The following ZC3H4 variants were observed in gnomAD, a reference collection of about 807,000 sequenced individuals.
ZC3H4 encodes zinc finger CCCH domain-containing protein 4.
ZC3H4 carries 13 observed loss-of-function variants against 108.3 expected under a neutral mutation model. That is an observed-to-expected ratio of 0.12 (90% confidence interval 0.08 to 0.19). The LOEUF (loss-of-function observed/expected upper bound fraction) is 0.19. ZC3H4 is among the 10% of genes least tolerant of loss of function. The pLI, the probability that ZC3H4 is intolerant of heterozygous loss-of-function variation, is 1.00. For missense variants in ZC3H4, 1,734 were observed against 1,838.8 expected (o/e 0.94, Z 1.04); for synonymous variants, 917 against 749.6 (o/e 1.22, Z -3.65).
intron 2 of ZC3H4, among the ~76,000 whole-genome samples, chr19:47,109,864 A>T (rs1163621228): frequency 6.6e-6 from 1 of 152,132 alleles, no homozygotes; most frequent in Non-Finnish European, 1.5e-5. Flanking sequence ...TTTTAACGGA[A>T]CTTATGCTTG....
Position 47,094,022 on chromosome 19 carries a change from G to C in ZC3H4, c.440C>G (p.Pro147Arg). Reference protein sequence around the residue: ...SDFSDDSDFSPSEKGHRKYRE... With the variant: ...SDFSDDSDFSRSEKGHRKYRE... Reference sequence around the variant, plus strand: ...GTACTTGCGGTGACCTTTCTCACTGGGGCTGAAATCCGAGTCATCTGAGAA... The same window carrying C: ...GTACTTGCGGTGACCTTTCTCACTGCGGCTGAAATCCGAGTCATCTGAGAA... Residue 147 changes from proline to arginine, a missense_variant, in exon 4 of 15, where the codon CCC becomes CGC. Around this residue, in one of 9 missense-constraint regions of ZC3H4, gnomAD observed 403 missense variants for 457.0 expected, o/e 0.88. Coordinates refer to ENST00000253048, the MANE Select transcript of ZC3H4 (RefSeq NM_015168.2). The C allele has an allele frequency of 1.2e-6, 2 of 1,614,130 alleles. No individual in the cohort carries two copies. The highest frequency in any genetic ancestry group is 1.7e-6 in the Non-Finnish European group (2 of 1,180,010).
rs1273380707 is a variant in ZC3H4 at position 47,067,310 on chromosome 19, G to C, written c.2958C>G (p.Pro986=). 1 of 1,595,266 alleles carries C rather than the reference G, an allele frequency of 6.3e-7. No individual in the cohort carries two copies. Among genetic ancestry groups the C allele is most frequent in the Non-Finnish European group, 8.5e-7 (1 of 1,169,750 alleles). Residue 986 remains proline, a synonymous_variant, in exon 15 of 15, where the codon CCC becomes CCG. Coordinates refer to ENST00000253048, the MANE Select transcript of ZC3H4 (RefSeq NM_015168.2). This position sits in a 1 kb window ranked among gnomAD's most constrained non-coding sequence, Gnocchi z 6.4. ...TVLWNPEDLI[P]LPIPKQDAVP... ...CTGCGTCCTGCTTGGGGATGGGTAG[G>C]GGGATCAGGTCCTCGGGATTCCAGA...
chr19:47,071,762 C>G lies in ZC3H4; in HGVS notation c.2146+16G>C. 1.9e-6 allele frequency: 3 copies of G among 1,584,130 alleles called. No homozygotes were observed. Among genetic ancestry groups the G allele is most frequent in the Non-Finnish European group, 2.6e-6 (3 of 1,167,276 alleles). On this transcript the variant is annotated intron_variant, in intron 13 of 14. Transcript: ENST00000253048. ...AGCCTGCAGCCCCAGGCAGCCACACCTGGAGTCCCGCATACCTGCATCCCC... is the reference window on the plus strand; with the variant it reads ...AGCCTGCAGCCCCAGGCAGCCACACGTGGAGTCCCGCATACCTGCATCCCC...
rs773206073 is a variant in ZC3H4, at chr19:47,069,201, G to A, written c.2289C>T (p.Pro763=). 1.2e-6 allele frequency: 2 copies of A among 1,612,082 alleles called. No individual in the cohort carries two copies. The highest frequency in any genetic ancestry group is 1.1e-5 in the South Asian group (1 of 91,082). ...KPGAGVPDFL[P]SAQRALYLRI... is the part of the protein sequence containing the mutation. ...TCAGGTACAGGGCCCTCTGGGCTGA[G>A]GGCAGGAAGTCAGGGACACCGGCGC... The change falls in exon 14 of 15, where the codon CCC becomes CCT. Residue 763 remains proline (P), a synonymous_variant. Transcript: ENST00000253048.
intron 14 of ZC3H4, among the ~76,000 whole-genome samples, 190 bp from the exon 15 acceptor site, chr19:47,068,059 T>C (rs1393637368): frequency 6.6e-6 from 1 of 152,194 alleles, no homozygotes; most frequent in Non-Finnish European, 1.5e-5. Context: ...GCTCGGTTTA[T>C]GCCATGCTCC....
rs543044276 is a variant in ZC3H4 at position 47,109,953 on chromosome 19, G to T, written c.161+2471C>A. On this transcript the variant is annotated intron_variant, in intron 2 of 14. Coordinates refer to ENST00000253048, the MANE Select transcript of ZC3H4 (RefSeq NM_015168.2). ...TTTTTCCTTGTTACGTGGAGGCCGG[G>T]GGGACTGGGGGCTGGAGGAGGTGTT... 1.8e-3 allele frequency among the ~76,000 whole-genome samples: 270 copies of T among 152,270 alleles called. 1 individual carries two copies. The highest frequency in any genetic ancestry group is 2.5e-3 in the Non-Finnish European group (171 of 68,030).
At chr19:47,078,239 C>T (rs868449313) in intron 11 of ZC3H4, among the ~76,000 whole-genome samples, 1 of 152,086 alleles carries the variant, frequency 6.6e-6, no homozygotes, top group Non-Finnish European at 1.5e-5. Context: ...ATTAATTTCA[C>T]GAGGTAGGTG....
At chr19:47,099,583 C>T (rs528940529) in intron 2 of ZC3H4, among the ~76,000 whole-genome samples, 6 of 152,204 alleles carry the variant, frequency 3.9e-5, no homozygotes, top group African/African-American at 1.4e-4. Context: ...CCAAGCCATC[C>T]TGCTGACAAA....
intron 9 of ZC3H4, among the ~76,000 whole-genome samples, chr19:47,083,604 G>A (rs147735152): frequency 6.4e-4 from 97 of 151,666 alleles, no homozygotes; most frequent in African/African-American, 2.1e-3. Flanking sequence ...AGCTACTCAG[G>A]AGGCTGAGGC....
intron 5 of ZC3H4, among the ~76,000 whole-genome samples, chr19:47,088,029 C>T (rs1393514052): frequency 1.3e-5 from 2 of 151,536 alleles, no homozygotes; most frequent in East Asian, 1.9e-4. Flanking sequence ...AAAAATTAGC[C>T]GGGCGTGGCG....
intron 6 of ZC3H4, 86 bp from the exon 7 acceptor site, chr19:47,085,500 G>T: frequency 1.6e-6 from 2 of 1,245,528 alleles, no homozygotes; most frequent in Non-Finnish European, 2.2e-6. Flanking sequence ...CCTTTTTGAA[G>T]GATGGTGACC....
In ZC3H4 at chr19:47,072,475, G is replaced by C. The variant is rs778748580; in HGVS notation, c.1679C>G (p.Pro560Arg). ...CTGCGGGGACAGTGGCTCATGCACC[G>C]GCATGGGCATCTGAGGGGGCCCGGG... ...PPPGPPQMPM[P>R]VHEPLSPQQL... Residue 560 changes from proline to arginine, a missense_variant, in exon 12 of 15, where the codon CCG becomes CGG. Physicochemically the swap from Pro to Arg is moderately radical, Grantham distance 103. This residue lies in a region of ZC3H4 where 75 missense variants were observed against 85.8 expected (regional missense o/e 0.87). Transcript: ENST00000253048. The surrounding 1 kb of genome is among the most constrained non-coding windows in gnomAD (Gnocchi z 5.6). The C allele has an allele frequency of 6.4e-7, 1 of 1,565,980 alleles. No individual in the cohort carries two copies. The highest frequency in any genetic ancestry group is 1.4e-5 in the African/African-American group (1 of 73,426).
intron 13 of ZC3H4, among the ~76,000 whole-genome samples, chr19:47,070,590 G>T (rs1159801047): frequency 2.6e-5 from 4 of 152,260 alleles, no homozygotes; most frequent in South Asian, 4.1e-4. Context: ...GAGAACCCCA[G>T]CACCTACTGT....
intron 6 of ZC3H4, 121 bp downstream of exon 6, chr19:47,086,263 C>T (rs2057620067): frequency 5.1e-6 from 6 of 1,172,062 alleles, no homozygotes; most frequent in African/African-American, 4.7e-5. Flanking sequence ...TGAGGCTTCC[C>T]TTCCTTCAGA....
chr19:47,068,198 ACATTGGAGT>A (rs1222179083), intron 14 of ZC3H4, among the ~76,000 whole-genome samples: 1 of 152,236 alleles, frequency 6.6e-6, no homozygotes, highest in Non-Finnish European at 1.5e-5. Context: ...CAGTGCCGTT[ACATTGGAGT>A]CAGGGCCAGG....
In ZC3H4 at chr19:47,066,213, TAAAAG is replaced by T. The variant is rs530234419; in HGVS notation, c.*138_*142del. On this transcript the variant is annotated 3_prime_UTR_variant, in exon 15 of 15. Transcript: ENST00000253048. ...AAGAAAGTACTACTTTAAAAAAAAA[TAAAAG>T]AGACGGAAAGCAAAAGAAAAAGAAA... 8.2e-4 allele frequency: 510 copies of T among 624,760 alleles called. No homozygotes were observed. In the African/African-American group the frequency reaches 8.5e-3, roughly 10 times the overall value. The allele number at this position is 624,760 out of a possible 1,614,324, so 38.7% of individuals were successfully genotyped here.
intron 2 of ZC3H4, among the ~76,000 whole-genome samples, chr19:47,109,911 G>T (rs930994127): frequency 6.6e-6 from 1 of 152,174 alleles, no homozygotes; most frequent in Admixed American, 6.5e-5. Flanking sequence ...GGTTCTGCAA[G>T]TCATTTCTGT....
intron 2 of ZC3H4, among the ~76,000 whole-genome samples, chr19:47,103,705 T>C (rs1264008265): frequency 7.0e-6 from 1 of 142,528 alleles, no homozygotes. Context: ...GGCGGGCGGA[T>C]CACGAGGTCA....
At chr19:47,084,259 C>T in intron 9 of ZC3H4, 86 bp downstream of exon 9, 1 of 1,309,492 alleles carries the variant, frequency 7.6e-7, no homozygotes, top group Non-Finnish European at 1.1e-6. Context: ...CACCCACCCT[C>T]ACCACGGCTC....
Sources: gnomAD v4.1 joint callset for allele counts (sites outside exome capture counted in the v4.1 genomes callset) on GRCh38, gnomAD v4.1.1 for gene constraint, gnomAD v4.1.1 regional missense constraint, Gnocchi (gnomAD v3.1) non-coding constraint, MANE v1.5 for transcripts, NCBI Gene and HGNC (gene_info 2026-07-23, HGNC 2026-07-21) for gene names.